NRP1: variants seen among roughly 807,000 people sequenced by gnomAD.
The protein encoded by NRP1 is neuropilin-1.
Under a neutral mutation model 106.7 loss-of-function variants are expected in NRP1, and 35 were observed. The ratio of observed to expected loss-of-function variants is 0.33; its 90% CI spans 0.25 to 0.43. The LOEUF (loss-of-function observed/expected upper bound fraction) is 0.43, where lower values mean the gene tolerates loss of function less well. NRP1 is among the 20% of genes least tolerant of loss of function. NRP1 has a pLI of 1.00. For missense variants in NRP1, 1,024 were observed against 1,170.4 expected, an observed-to-expected ratio of 0.87 and a Z score of 1.83; for synonymous variants, 437 against 417.9, an observed-to-expected ratio of 1.05 and a Z score of -0.56.
At chr10:33,302,260 T>A (rs1250080618) in intron 2 of NRP1, among the ~76,000 whole-genome samples, 3 of 152,264 alleles carry the variant, frequency 2.0e-5, no homozygotes, top group African/African-American at 7.2e-5. Context: ...GTGCTTTTAA[T>A]CAAGAATTCC....
chr10:33,199,052 G>A (rs557295232), intron 11 of NRP1, among the ~76,000 whole-genome samples: 1 of 152,054 alleles, frequency 6.6e-6, no homozygotes, highest in African/African-American at 2.4e-5. Flanking sequence ...ATTTCCCACT[G>A]TTCATCATTA....
At chr10:33,282,546 C>T (rs1844217285) in intron 2 of NRP1, among the ~76,000 whole-genome samples, 1 of 152,074 alleles carries the variant, frequency 6.6e-6, no homozygotes, top group Non-Finnish European at 1.5e-5. Context: ...TTTCACCCCC[C>T]AGTAACTACC....
chr10:33,181,580 G>C (rs1192289614), intron 16 of NRP1, among the ~76,000 whole-genome samples: 1 of 152,218 alleles, frequency 6.6e-6, no homozygotes, highest in African/African-American at 2.4e-5. Flanking sequence ...CTGGCTGGGA[G>C]ATCTGGAAAC....
chr10:33,321,232 T>C (rs1847483465), intron 2 of NRP1, among the ~76,000 whole-genome samples: 1 of 152,190 alleles, frequency 6.6e-6, no homozygotes, highest in Non-Finnish European at 1.5e-5. Context: ...CTGATCCGCT[T>C]GCCTTGGCCT....
intron 8 of NRP1, among the ~76,000 whole-genome samples, chr10:33,215,607 A>G (rs971966803): frequency 1.3e-5 from 2 of 152,222 alleles, no homozygotes; most frequent in African/African-American, 4.8e-5. Context: ...TTTTCTTTGA[A>G]GCAACTCAAT....
intron 2 of NRP1, among the ~76,000 whole-genome samples, chr10:33,307,549 C>G (rs557670828): frequency 6.6e-6 from 1 of 152,300 alleles, no homozygotes; most frequent in South Asian, 2.1e-4. Flanking sequence ...CCAACCTCCC[C>G]TACCTCCATG....
At chr10:33,232,631 T>TCTTTTC (rs1341240176) in intron 6 of NRP1, among the ~76,000 whole-genome samples, 1 of 149,834 alleles carries the variant, frequency 6.7e-6, no homozygotes, top group Non-Finnish European at 1.5e-5. Flanking sequence ...GCTTTCTTTT[T>TCTTTTC]CTTTTCCTTT....
At position 33,197,896 on chromosome 10, in the gene NRP1, A is replaced by G. The variant is rs545555581; in HGVS notation, c.1865-187T>C. On this transcript the variant is annotated intron_variant, in intron 11 of 16. Transcript: ENST00000374867. ...CAATATCAAATTCAAATAAACCATTATTTTTTTTTTTTACCTAACGCATTT... is the reference window on the plus strand; with the variant it reads ...CAATATCAAATTCAAATAAACCATTGTTTTTTTTTTTTACCTAACGCATTT... Among the ~76,000 whole-genome samples, 3 of 147,446 alleles carry G rather than the reference A, an allele frequency of 2.0e-5. No homozygotes were observed. The South Asian group carries it at 6.4e-4, about 32-fold the overall frequency.
intron 2 of NRP1, among the ~76,000 whole-genome samples, chr10:33,310,850 G>T (rs562017781): frequency 6.6e-6 from 1 of 152,246 alleles, no homozygotes; most frequent in Admixed American, 6.5e-5. Flanking sequence ...TTAGACCCCG[G>T]CTTGGGATGT....
At chr10:33,331,345 T>A (rs1490566563) in intron 1 of NRP1, among the ~76,000 whole-genome samples, 2 of 152,218 alleles carry the variant, frequency 1.3e-5, no homozygotes, top group African/African-American at 4.8e-5. Context: ...CATTGATCAG[T>A]GGGGATTGTC....
At chr10:33,215,388 C>G (rs924948124) in intron 8 of NRP1, among the ~76,000 whole-genome samples, 2 of 152,194 alleles carry the variant, frequency 1.3e-5, no homozygotes, top group Admixed American at 6.5e-5. Context: ...GTACCCACAG[C>G]TAGATTATAA....
intron 9 of NRP1, among the ~76,000 whole-genome samples, chr10:33,210,593 A>T (rs1349521091): frequency 2.6e-5 from 4 of 152,220 alleles, no homozygotes; most frequent in Non-Finnish European, 5.9e-5. Flanking sequence ...GTTGCTAATT[A>T]TGTTTTAGAA....
chr10:33,309,127 C>A lies in NRP1; in HGVS notation c.248+21581G>T, dbSNP rs528503254. Among the ~76,000 whole-genome samples the A allele has an allele frequency of 1.4e-4, 21 of 152,248 alleles. 1 individual carries two copies. In the South Asian group the frequency reaches 4.3e-3, roughly 32 times the overall value. On this transcript the variant is annotated intron_variant, in intron 2 of 16. Transcript: ENST00000374867. Reference sequence around the variant, plus strand: ...CTTTTCATAGATGGAGCAGAGATGGCAGTTTTGGGGCACTTGTGCTGCCAC... The same window carrying A: ...CTTTTCATAGATGGAGCAGAGATGGAAGTTTTGGGGCACTTGTGCTGCCAC...
At position 33,284,385 on chromosome 10, in the gene NRP1, T is replaced by C. The variant is rs149387574; in HGVS notation, c.249-13529A>G. Among the ~76,000 whole-genome samples the C allele has an allele frequency of 2.3e-3, 346 of 152,226 alleles. 6 individuals carry two copies. The highest frequency in any genetic ancestry group is 0.02 in the Admixed American group (309 of 15,284). On this transcript the variant is annotated intron_variant, in intron 2 of 16. Transcript: ENST00000374867. ...GTGTAGATAAAGTCACAGGAAGAGA[T>C]AGGAACAAGCTTACTTTTCAGCATT...
intron 3 of NRP1, among the ~76,000 whole-genome samples, chr10:33,268,624 G>C (rs1049248655): frequency 1.3e-5 from 2 of 152,178 alleles, no homozygotes; most frequent in Non-Finnish European, 2.9e-5. Flanking sequence ...TCCTTCAACT[G>C]TCTTCAGATC....
intron 6 of NRP1, among the ~76,000 whole-genome samples, chr10:33,244,250 G>A (rs1189338962): frequency 2.0e-5 from 3 of 152,062 alleles, no homozygotes; most frequent in Admixed American, 6.6e-5. Context: ...TTCAAATTAC[G>A]ATATGAAAGT....
chr10:33,334,181 A>G, intron 1 of NRP1, 129 bp downstream of exon 1: 1 of 786,436 alleles, frequency 1.3e-6, no homozygotes, highest in Non-Finnish European at 2.0e-6. Context: ...CCTCCCAGAT[A>G]AAAGTTTCCT....
intron 2 of NRP1, among the ~76,000 whole-genome samples, chr10:33,271,981 C>A (rs1456173732): frequency 6.6e-6 from 1 of 152,138 alleles, no homozygotes; most frequent in Non-Finnish European, 1.5e-5. Flanking sequence ...TAACTTGGTT[C>A]AAAAGTCCTG....
chr10:33,320,251 T>C (rs867774492), intron 2 of NRP1, among the ~76,000 whole-genome samples: 17 of 151,156 alleles, frequency 1.1e-4, no homozygotes, highest in Middle Eastern at 6.8e-3. Flanking sequence ...AGGCTGAGGT[T>C]GCAGTGAGCC....
Sources: gnomAD v4.1 joint callset for allele counts (sites outside exome capture counted in the v4.1 genomes callset) on GRCh38, gnomAD v4.1.1 for gene constraint, MANE v1.5 for transcripts, NCBI Gene and HGNC (gene_info 2026-07-23, HGNC 2026-07-21) for gene names.